PALS2: variants seen among roughly 807,000 people sequenced by gnomAD.
PALS2 encodes the protein protein PALS2.
In PALS2, 27 loss-of-function variants were observed where a neutral mutation model predicts 61.6. The ratio of observed to expected loss-of-function variants is 0.44; its 90% CI spans 0.32 to 0.60. The LOEUF is 0.60. Ranked by LOEUF, PALS2 falls within the 20% of genes least tolerant of loss-of-function variation. The probability of loss-of-function intolerance (pLI) is 0.05; values close to 1 mark genes in which losing one functional copy is unlikely to be tolerated. For synonymous variants in PALS2, 236 were observed against 218.6 expected, an observed-to-expected ratio of 1.08 and a Z score of -0.70; for missense variants, 554 against 639.4, an observed-to-expected ratio of 0.87 and a Z score of 1.44.
At position 24,618,799 on chromosome 7, in the gene PALS2, A is replaced by G. The variant is rs1241168866; in HGVS notation, c.-2-4867A>G. Among the ~76,000 whole-genome samples, 1 of 152,184 alleles carries G rather than the reference A, an allele frequency of 6.6e-6. No homozygotes were observed. Among genetic ancestry groups the G allele is most frequent in the Non-Finnish European group, 1.5e-5 (1 of 68,030 alleles). On this transcript the variant is annotated intron_variant, in intron 1 of 11. Transcript: ENST00000222644. The surrounding 1 kb of genome is among the most constrained non-coding windows in gnomAD (Gnocchi z 5.1). ...CTGGCCTTGTGGGCTCCCAGTCATC[A>G]CAGGTACCTCTCCACTTCCCTGCTG...
intron 10 of PALS2, among the ~76,000 whole-genome samples, 198 bp downstream of exon 10, chr7:24,679,531 A>C (rs1196856472): frequency 6.6e-6 from 1 of 152,192 alleles, no homozygotes; most frequent in Non-Finnish European, 1.5e-5. Context: ...TAGCCAACAG[A>C]GGCTTGGGTG....
chr7:24,623,996 T>A, intron 2 of PALS2: 1 of 1,148,934 alleles, frequency 8.7e-7, no homozygotes, highest in Admixed American at 2.2e-5. Flanking sequence ...ATGAAATGAC[T>A]CTTAGTTTTG....
At chr7:24,601,532 T>G (rs997060660) in intron 1 of PALS2, among the ~76,000 whole-genome samples, 2 of 152,102 alleles carry the variant, frequency 1.3e-5, no homozygotes, top group African/African-American at 4.8e-5. Flanking sequence ...TATCTTTGCC[T>G]TTTTCCTGAG....
intron 2 of PALS2, among the ~76,000 whole-genome samples, chr7:24,631,440 A>G (rs1784992967): frequency 6.6e-6 from 1 of 152,238 alleles, no homozygotes; most frequent in Non-Finnish European, 1.5e-5. Flanking sequence ...GTGGAGGAGC[A>G]AAGAAAGTGG....
rs1046367162 is a variant in PALS2, at chr7:24,618,950, C to G, written c.-2-4716C>G. On this transcript the variant is annotated intron_variant, in intron 1 of 11. Coordinates refer to ENST00000222644, the MANE Select transcript of PALS2 (RefSeq NM_001303037.2). This position sits in a 1 kb window ranked among gnomAD's most constrained non-coding sequence, Gnocchi z 5.1. ...CGTCAGCCATCTTACTGACATCACTCTTCGTGTCTTGTCTTTTTTTGATTA... is the reference window on the plus strand; with the variant it reads ...CGTCAGCCATCTTACTGACATCACTGTTCGTGTCTTGTCTTTTTTTGATTA... 6.6e-6 allele frequency among the ~76,000 whole-genome samples: 1 copy of G among 152,248 alleles called. No individual in the cohort carries two copies. Among genetic ancestry groups the G allele is most frequent in the African/African-American group, 2.4e-5 (1 of 41,474 alleles).
chr7:24,636,175 G>A (rs2128066800), intron 2 of PALS2, among the ~76,000 whole-genome samples: 1 of 144,474 alleles, frequency 6.9e-6, no homozygotes, highest in Non-Finnish European at 1.5e-5. Context: ...TCACATCATT[G>A]CACTCCAGCC....
intron 1 of PALS2, among the ~76,000 whole-genome samples, chr7:24,589,815 A>G (rs529866195): frequency 2.8e-4 from 42 of 152,328 alleles, no homozygotes; most frequent in Non-Finnish European, 5.4e-4. Flanking sequence ...CTCTTACTTC[A>G]TAGAGTTAAT....
At chr7:24,682,798 A>G (rs183625632) in intron 11 of PALS2, among the ~76,000 whole-genome samples, 23 of 152,242 alleles carry the variant, frequency 1.5e-4, no homozygotes, top group African/African-American at 5.3e-4. Context: ...AAATAATAAT[A>G]ATAATAATAA....
chr7:24,595,452 A>AAT (rs931479372), intron 1 of PALS2, among the ~76,000 whole-genome samples: 1 of 137,732 alleles, frequency 7.3e-6, no homozygotes, highest in South Asian at 2.1e-4. Context: ...CATAATATAT[A>AAT]ATATATATAA....
intron 2 of PALS2, among the ~76,000 whole-genome samples, chr7:24,637,191 G>A (rs1236892813): frequency 6.6e-6 from 1 of 151,318 alleles, no homozygotes; most frequent in Non-Finnish European, 1.5e-5. Flanking sequence ...ACCTTGATAT[G>A]TAACTTATCT....
chr7:24,585,814 T>TC (rs1783043375), intron 1 of PALS2, among the ~76,000 whole-genome samples: 1 of 152,216 alleles, frequency 6.6e-6, no homozygotes, highest in Non-Finnish European at 1.5e-5. Context: ...TTCTCCTGCC[T>TC]CAGCCTCCCA....
chr7:24,679,049 GTTAAGCCACCCTATGTATT>G, intron 9 of PALS2, 63 bp from the exon 10 acceptor site: 1 of 1,291,712 alleles, frequency 7.7e-7, no homozygotes, highest in Non-Finnish European at 1.1e-6. Flanking sequence ...GTGGAAAAAC[GTTAAGCCACCCTATGTATT>G]TTAGTCTATT....
intron 1 of PALS2, among the ~76,000 whole-genome samples, chr7:24,614,261 T>G (rs1242707221): frequency 6.6e-6 from 1 of 151,366 alleles, no homozygotes; most frequent in African/African-American, 2.4e-5. Context: ...ATTCTTAGGG[T>G]TTTTTTTCAG....
intron 1 of PALS2, among the ~76,000 whole-genome samples, chr7:24,590,362 C>G (rs993477242): frequency 2.0e-5 from 3 of 152,072 alleles, no homozygotes; most frequent in African/African-American, 7.2e-5. Context: ...CTGTGCAGCC[C>G]AGTTAGAGGA....
intron 1 of PALS2, among the ~76,000 whole-genome samples, chr7:24,620,687 T>G (rs1482032359): frequency 1.3e-5 from 2 of 152,164 alleles, no homozygotes; most frequent in African/African-American, 4.8e-5. Context: ...TTGATAACAT[T>G]AAGGAATTAC....
chr7:24,620,405 T>C (rs150443955), intron 1 of PALS2, among the ~76,000 whole-genome samples: 35 of 152,184 alleles, frequency 2.3e-4, no homozygotes, highest in African/African-American at 8.4e-4. Flanking sequence ...TTGAGAATGA[T>C]TGACAGCATT....
rs1253985302 is a variant in PALS2 at position 24,618,391 on chromosome 7, G to A, written c.-2-5275G>A. 6.6e-6 allele frequency among the ~76,000 whole-genome samples: 1 copy of A among 152,208 alleles called. No homozygotes were observed. The highest frequency in any genetic ancestry group is 2.4e-5 in the African/African-American group (1 of 41,456). Reference sequence around the variant, plus strand: ...GGTTGTGGCATTCAGACACCTGTGTGGACTTAGTGGAATGAAAACAACTCC... The same window carrying A: ...GGTTGTGGCATTCAGACACCTGTGTAGACTTAGTGGAATGAAAACAACTCC... On this transcript the variant is annotated intron_variant, in intron 1 of 11. Transcript: ENST00000222644. The surrounding 1 kb of genome is among the most constrained non-coding windows in gnomAD (Gnocchi z 5.1).
Position 24,623,901 on chromosome 7 carries a change from TAAA to T in PALS2, c.117+120_117+122del, listed in dbSNP as rs1259141975. On this transcript the variant is annotated intron_variant, in intron 2 of 11. Transcript: ENST00000222644. The stretch of plus-strand genomic sequence containing the variant: ...ATATACATTAGGTTTAGTTAGCAAA[TAAA>T]AACATTCAGCACATAATGAAATCTT... 3 of 973,448 alleles carry T rather than the reference TAAA, an allele frequency of 3.1e-6. No homozygotes were observed. In the East Asian group the frequency reaches 8.0e-5, roughly 26 times the overall value. 60.3% of individuals were successfully genotyped at this position (973,448 alleles called of 1,614,324 possible).
At chr7:24,597,778 T>C (rs1246036730) in intron 1 of PALS2, among the ~76,000 whole-genome samples, 2 of 152,154 alleles carry the variant, frequency 1.3e-5, no homozygotes, top group Non-Finnish European at 2.9e-5. Context: ...GGAATTTCAG[T>C]AAATCATAGG....
Sources: gnomAD v4.1 joint callset for allele counts (sites outside exome capture counted in the v4.1 genomes callset) on GRCh38, gnomAD v4.1.1 for gene constraint, Gnocchi (gnomAD v3.1) non-coding constraint, MANE v1.5 for transcripts, NCBI Gene and HGNC (gene_info 2026-07-23, HGNC 2026-07-21) for gene names.